CDH26: variants seen among roughly 807,000 people sequenced by gnomAD.
The protein encoded by CDH26 is cadherin-like protein 26.
CDH26 carries 83 observed loss-of-function variants against 90.3 expected under a neutral mutation model. The ratio of observed to expected loss-of-function variants is 0.92; its 90% CI spans 0.77 to 1.10. The LOEUF (loss-of-function observed/expected upper bound fraction) is 1.10. CDH26 is among the 50% of genes least tolerant of loss of function. CDH26 has a pLI of 0.00. For missense variants in CDH26, 1,013 were observed against 1,037.6 expected, an observed-to-expected ratio of 0.98 and a Z score of 0.33; for synonymous variants, 397 against 396.3, an observed-to-expected ratio of 1.00 and a Z score of -0.02.
Position 59,996,838 on chromosome 20 carries a change from C to A in CDH26, c.2019+77C>A, listed in dbSNP as rs368092924. On this transcript the variant is annotated intron_variant, in intron 13 of 17. Coordinates refer to ENST00000348616, the MANE Select transcript of CDH26 (RefSeq NM_177980.4). The stretch of plus-strand genomic sequence containing the variant: ...AGACATATAGCATGTATTTTTCCCC[C>A]CATTGTGCCACCTCTTAATTCTTCA... 126 of 1,565,500 alleles carry A rather than the reference C, an allele frequency of 8.0e-5. No individual in the cohort carries two copies. In the African/African-American group the frequency reaches 1.4e-3, roughly 17 times the overall value.
At chr20:59,965,045 A>G (rs1403060772) in intron 1 of CDH26, among the ~76,000 whole-genome samples, 2 of 152,248 alleles carry the variant, frequency 1.3e-5, no homozygotes, top group Non-Finnish European at 2.9e-5. Context: ...ATTTAAAACT[A>G]CTGACATTAA....
chr20:59,967,869 CTTT>C (rs2061179690), intron 1 of CDH26, among the ~76,000 whole-genome samples: 33 of 103,328 alleles, frequency 3.2e-4, no homozygotes, highest in Admixed American at 7.8e-4. Context: ...TTCTTTCTTT[CTTT>C]CTTTCTTCCT....
downstream of CDH26, among the ~76,000 whole-genome samples, chr20:60,018,025 C>T (rs2061920119): frequency 6.6e-6 from 1 of 151,992 alleles, no homozygotes; most frequent in South Asian, 2.1e-4. Context: ...TGTATCCTAA[C>T]ATATGGCCTC....
At chr20:59,960,387 A>T (rs1487758169) in intron 1 of CDH26, among the ~76,000 whole-genome samples, 1 of 145,374 alleles carries the variant, frequency 6.9e-6, no homozygotes, top group Non-Finnish European at 1.5e-5. Flanking sequence ...GGAGTTCCTT[A>T]TGTTAAAACA....
chr20:60,012,088 G>C (rs1347362800), intron 17 of CDH26, among the ~76,000 whole-genome samples: 1 of 152,066 alleles, frequency 6.6e-6, no homozygotes, highest in Non-Finnish European at 1.5e-5. Flanking sequence ...GGATAGACCT[G>C]AGCACATTTG....
At chr20:60,021,865 C>CACACACACACACAT (rs1569068604) in intron 7 of CDH26, among the ~76,000 whole-genome samples, 15 of 75,886 alleles carry the variant, frequency 2.0e-4, no homozygotes, top group Admixed American at 8.7e-4. Context: ...CACACACACA[C>CACACACACACACAT]ACACACACAC....
chr20:60,005,658 A>G (rs2061738893), intron 16 of CDH26, among the ~76,000 whole-genome samples: 1 of 152,134 alleles, frequency 6.6e-6, no homozygotes, highest in Non-Finnish European at 1.5e-5. Flanking sequence ...GTGATTAAAA[A>G]CACAAATTGT....
chr20:59,988,977 G>C lies in CDH26; in HGVS notation c.1097G>C (p.Cys366Ser). 1.9e-6 allele frequency: 3 copies of C among 1,614,192 alleles called. No homozygotes were observed. Among genetic ancestry groups the C allele is most frequent in the Non-Finnish European group, 2.5e-6 (3 of 1,180,030 alleles). ...VVENEERLVF[C>S]ERGKLQPPRK... ...GAGAATGAGGAGAGGCTCGTCTTCT[G>C]TGAGAGAGGAAAGCTTCAGCCGCCA... Residue 366 changes from cysteine to serine, a missense_variant, in exon 9 of 18, where the codon TGT (cysteine) becomes TCT (serine). Physicochemically the swap from Cys to Ser is moderately radical, Grantham distance 112. Coordinates refer to ENST00000348616, the MANE Select transcript of CDH26 (RefSeq NM_177980.4).
chr20:60,026,390 T>TAGAGAGAGAGAGAGAGAGAGAGAG (rs60922926), intron 7 of CDH26, among the ~76,000 whole-genome samples: 1 of 139,270 alleles, frequency 7.2e-6, no homozygotes, highest in African/African-American at 2.7e-5. Context: ...TGGCTGGAGT[T>TAGAGAGAGAGAGAGAGAGAGAGAG]AGAGAGAGAG....
chr20:60,001,532 A>G, intron 15 of CDH26, 121 bp downstream of exon 15: 2 of 1,445,140 alleles, frequency 1.4e-6, no homozygotes, highest in South Asian at 1.4e-5. Context: ...CACATAGTCA[A>G]TGAAAATCTG....
chr20:59,996,452 A>C lies in CDH26; in HGVS notation c.1889-179A>C. On this transcript the variant is annotated intron_variant, in intron 12 of 17. Coordinates refer to ENST00000348616, the MANE Select transcript of CDH26 (RefSeq NM_177980.4). Reference sequence around the variant, plus strand: ...TTATTGATTAATTCAACAAACAGTTATGTAGCATCTACTGGTACCCTGGAA... The same window carrying C: ...TTATTGATTAATTCAACAAACAGTTCTGTAGCATCTACTGGTACCCTGGAA... The C allele has an allele frequency of 2.5e-6, 4 of 1,601,622 alleles. No homozygotes were observed. The South Asian group carries it at 3.3e-5, about 13-fold the overall frequency.
At chr20:59,960,394 AACACACAC>A (rs111336064) in intron 1 of CDH26, among the ~76,000 whole-genome samples, 1 of 148,558 alleles carries the variant, frequency 6.7e-6, no homozygotes, top group Non-Finnish European at 1.5e-5. Context: ...CTTATGTTAA[AACACACAC>A]ACACACACAC....
chr20:59,972,139 T>A lies in CDH26; in HGVS notation c.393+16T>A, dbSNP rs1043268285. 6.2e-7 allele frequency: 1 copy of A among 1,611,330 alleles called. No homozygotes were observed. The highest frequency in any genetic ancestry group is 1.3e-5 in the African/African-American group (1 of 74,858). On this transcript the variant is annotated intron_variant, in intron 4 of 17. Transcript: ENST00000348616. ...ATCTTTCACGGTATCTAAAACTTGA[T>A]ATATTCTAAGCTCGGATTTAAAAGC...
rs147800461 is a variant in CDH26, at chr20:59,980,676, C to T, written c.394-2247C>T. ...TGAAATGGAAGTATTTTCTCTCAGG[C>T]AATTGTCTTTTCATTTTTGTCTTCT... is the stretch of plus-strand genomic sequence containing the variant. On this transcript the variant is annotated intron_variant, in intron 4 of 17. Transcript: ENST00000348616. Among the ~76,000 whole-genome samples, 107 of 152,316 alleles carry T rather than the reference C, an allele frequency of 7.0e-4. 1 individual carries two copies. Among genetic ancestry groups the T allele is most frequent in the African/African-American group, 2.4e-3 (100 of 41,576 alleles).
intron 16 of CDH26, among the ~76,000 whole-genome samples, chr20:60,005,487 T>TGTATGTAA (rs560934422): frequency 0.055 from 8,249 of 150,900 alleles, 776 homozygotes; most frequent in African/African-American, 0.19. Flanking sequence ...TCTGTATGTA[T>TGTATGTAA]GTATGTATGT....
downstream of CDH26, among the ~76,000 whole-genome samples, chr20:60,018,266 T>C (rs182246664): frequency 8.7e-4 from 133 of 152,200 alleles, no homozygotes; most frequent in Admixed American, 3.7e-3. Flanking sequence ...AATATTTGCT[T>C]TATAGATCTA....
chr20:60,014,746 G>A (rs1409813795), downstream of CDH26, among the ~76,000 whole-genome samples: 1 of 152,192 alleles, frequency 6.6e-6, no homozygotes, highest in Non-Finnish European at 1.5e-5. Flanking sequence ...ATTGTGAATA[G>A]TGGTGTAATA....
intron 4 of CDH26, among the ~76,000 whole-genome samples, chr20:59,972,789 A>T (rs926260449): frequency 1.3e-5 from 2 of 152,184 alleles, no homozygotes; most frequent in Non-Finnish European, 2.9e-5. Flanking sequence ...TTGGCTGTAC[A>T]TTTGTTCATT....
At chr20:60,002,773 A>G in intron 15 of CDH26, 40 bp from the exon 16 acceptor site, 1 of 1,507,700 alleles carries the variant, frequency 6.6e-7, no homozygotes, top group Non-Finnish European at 9.0e-7. Context: ...ATCCTTTGGT[A>G]ATTTATTTGA....
Sources: gnomAD v4.1 joint callset for allele counts (sites outside exome capture counted in the v4.1 genomes callset) on GRCh38, gnomAD v4.1.1 for gene constraint, MANE v1.5 for transcripts, NCBI Gene and HGNC (gene_info 2026-07-23, HGNC 2026-07-21) for gene names.